DEPTOR: variants seen among roughly 807,000 people sequenced by gnomAD.
The protein encoded by DEPTOR is DEP domain-containing mTOR-interacting protein.
Under a neutral mutation model 41.6 loss-of-function variants are expected in DEPTOR, and 41 were observed. That is an observed-to-expected ratio of 0.98 (90% CI 0.77 to 1.28). The LOEUF (loss-of-function observed/expected upper bound fraction) is 1.28. DEPTOR is among the 50% of genes most tolerant of loss of function. The pLI, the probability that DEPTOR is intolerant of heterozygous loss-of-function variation, is 0.00. For missense variants in DEPTOR, 514 were observed against 527.9 expected (o/e 0.97, Z 0.26); for synonymous variants, 195 against 192.3 (o/e 1.01, Z -0.12).
chr8:119,944,536 C>A (rs1326930026), intron 3 of DEPTOR, among the ~76,000 whole-genome samples: 2 of 151,974 alleles, frequency 1.3e-5, no homozygotes, highest in Admixed American at 1.3e-4. Context: ...TGACTATAAG[C>A]TCTCTGAGGT....
At chr8:119,912,421 G>T in intron 1 of DEPTOR, among the ~76,000 whole-genome samples, 1 of 151,964 alleles carries the variant, frequency 6.6e-6, no homozygotes, top group East Asian at 1.9e-4. Flanking sequence ...TTTAAGCTAT[G>T]CCAGGTATGC....
At chr8:119,876,802 T>C (rs953846186) in intron 1 of DEPTOR, among the ~76,000 whole-genome samples, 1 of 152,168 alleles carries the variant, frequency 6.6e-6, no homozygotes, top group Non-Finnish European at 1.5e-5. Context: ...ACAAGTAAAT[T>C]CACTTCTCTG....
intron 8 of DEPTOR, among the ~76,000 whole-genome samples, chr8:120,035,365 T>C (rs1812964737): frequency 6.6e-6 from 1 of 152,078 alleles, no homozygotes; most frequent in South Asian, 2.1e-4. Flanking sequence ...TGTCTCTTGC[T>C]GTTGGAACCC....
rs554143967 is a variant in DEPTOR at position 119,941,630 on chromosome 8, GA to G, written c.425+11694del. Reference sequence around the variant, plus strand: ...TAAGCCTGGAGATGTTGATAATGATGAAGGCAGCAAACCCAGGGCGAGTAGC... The same window carrying G: ...TAAGCCTGGAGATGTTGATAATGATGAGGCAGCAAACCCAGGGCGAGTAGC... On this transcript the variant is annotated intron_variant, in intron 3 of 8. Coordinates refer to ENST00000286234, the MANE Select transcript of DEPTOR (RefSeq NM_022783.4). Among the ~76,000 whole-genome samples, 429 of 152,206 alleles carry G rather than the reference GA, an allele frequency of 2.8e-3. 6 individuals carry two copies. Among genetic ancestry groups the G allele is most frequent in the African/African-American group, 9.2e-3 (381 of 41,530 alleles).
chr8:119,949,611 A>G lies in DEPTOR; in HGVS notation c.426-15621A>G, dbSNP rs75505491. ...TTTTTATTTGCAGTTCCCTGATGCA[A>G]ATCTTTCTATGTAATTATTGGCTAA... is the stretch of plus-strand genomic sequence containing the variant. On this transcript the variant is annotated intron_variant, in intron 3 of 8. Transcript: ENST00000286234. 3.9e-3 allele frequency among the ~76,000 whole-genome samples: 587 copies of G among 152,254 alleles called. 5 individuals are homozygous for G. Among genetic ancestry groups the G allele is most frequent in the African/African-American group, 0.014 (566 of 41,554 alleles).
chr8:119,968,102 C>T lies in DEPTOR; in HGVS notation c.604+2692C>T, dbSNP rs191981390. Among the ~76,000 whole-genome samples, 49 of 152,260 alleles carry T rather than the reference C, an allele frequency of 3.2e-4. 1 individual carries two copies. The highest frequency in any genetic ancestry group is 3.4e-3 in the Middle Eastern group (1 of 294). On this transcript the variant is annotated intron_variant, in intron 4 of 8. Transcript: ENST00000286234. ...GTGTGATCCCTGACCTTAAGCAGTT[C>T]ATAGTATTGTCAGGACTATGAGATG... is the stretch of plus-strand genomic sequence containing the variant.
intron 3 of DEPTOR, among the ~76,000 whole-genome samples, chr8:119,950,574 C>A (rs1485282213): frequency 6.6e-6 from 1 of 151,848 alleles, no homozygotes; most frequent in Non-Finnish European, 1.5e-5. Context: ...CATCACCACA[C>A]CTTGCTAATC....
chr8:119,917,399 T>G (rs909222235), intron 1 of DEPTOR, among the ~76,000 whole-genome samples: 4 of 152,158 alleles, frequency 2.6e-5, no homozygotes, highest in Non-Finnish European at 5.9e-5. Flanking sequence ...GGGGACTCCA[T>G]TTTGTTCTGT....
chr8:120,007,290 T>TC (rs1244516972), intron 7 of DEPTOR, among the ~76,000 whole-genome samples: 1 of 152,190 alleles, frequency 6.6e-6, no homozygotes, highest in Non-Finnish European at 1.5e-5. Context: ...AATAATCCCT[T>TC]CTGCATTAGG....
chr8:119,957,966 T>C (rs758066513), intron 3 of DEPTOR, among the ~76,000 whole-genome samples: 3 of 152,192 alleles, frequency 2.0e-5, no homozygotes, highest in Non-Finnish European at 4.4e-5. Context: ...GGAACTTCAG[T>C]GTTCATCCAT....
intron 3 of DEPTOR, among the ~76,000 whole-genome samples, chr8:119,952,176 A>C (rs1828361601): frequency 6.6e-6 from 1 of 152,150 alleles, no homozygotes; most frequent in Non-Finnish European, 1.5e-5. Context: ...TAAAAGAAAA[A>C]AAAAGAGAGG....
chr8:119,965,958 C>G (rs1463519958), intron 4 of DEPTOR, among the ~76,000 whole-genome samples: 1 of 152,120 alleles, frequency 6.6e-6, no homozygotes, highest in South Asian at 2.1e-4. Flanking sequence ...TTTTAGTCAG[C>G]CCTTTGTATC....
chr8:119,959,531 C>CT lies in DEPTOR; in HGVS notation c.426-5688dup, dbSNP rs1055976492. 8.6e-3 allele frequency among the ~76,000 whole-genome samples: 1,178 copies of CT among 137,752 alleles called. 5 individuals carry two copies. Among genetic ancestry groups the CT allele is most frequent in the African/African-American group, 0.018 (676 of 37,702 alleles). The allele number at this position is 137,752 out of a possible 152,430, so 90.4% of individuals were successfully genotyped here. Reference sequence around the variant, plus strand: ...TGATTTGGGAAAATATCTAAATAATCTTTTTTTTTTTTTGAAACGGAGTCT... The same window carrying CT: ...TGATTTGGGAAAATATCTAAATAATCTTTTTTTTTTTTTTGAAACGGAGTCT... On this transcript the variant is annotated intron_variant, in intron 3 of 8. Transcript: ENST00000286234.
chr8:119,978,351 G>A (rs1003570691), intron 4 of DEPTOR, among the ~76,000 whole-genome samples: 2 of 152,090 alleles, frequency 1.3e-5, no homozygotes, highest in South Asian at 2.1e-4. Context: ...TCTCAGGCTC[G>A]CTAGAAGAGC....
intron 1 of DEPTOR, among the ~76,000 whole-genome samples, chr8:119,876,073 A>G (rs1170162451): frequency 6.6e-6 from 1 of 152,188 alleles, no homozygotes; most frequent in African/African-American, 2.4e-5. Context: ...TTTATTTTAC[A>G]AATATTAAAT....
rs763993519 is a variant in DEPTOR at position 119,971,398 on chromosome 8, C to T, written c.604+5988C>T. Among the ~76,000 whole-genome samples the T allele has an allele frequency of 1.2e-4, 19 of 152,124 alleles. 1 individual carries two copies. Among genetic ancestry groups the T allele is most frequent in the East Asian group, 1.9e-4 (1 of 5,166 alleles). On this transcript the variant is annotated intron_variant, in intron 4 of 8. Coordinates refer to ENST00000286234, the MANE Select transcript of DEPTOR (RefSeq NM_022783.4). ...CTACCTATCCTACTTCTTAGAGGAA[C>T]GGGAGATGAGGAAGTGTGATTGATT...
intron 1 of DEPTOR, 88 bp downstream of exon 1, chr8:119,874,056 G>T (rs565742720): frequency 1.3e-6 from 2 of 1,574,022 alleles, no homozygotes; most frequent in Non-Finnish European, 1.7e-6. Flanking sequence ...TCCCTGGCTC[G>T]TGGCTTGCGA....
rs1203739630 is a variant in DEPTOR at position 119,878,007 on chromosome 8, C to CCGCA, written c.122+4040_122+4043dup. On this transcript the variant is annotated intron_variant, in intron 1 of 8. Coordinates refer to ENST00000286234, the MANE Select transcript of DEPTOR (RefSeq NM_022783.4). ...AGTGCAATGGCGCGATCTCGGCTCA[C>CCGCA]CGCAACCTCTGCCTCCGGGTTCAAG... Among the ~76,000 whole-genome samples the CCGCA allele has an allele frequency of 2.6e-5, 4 of 152,270 alleles. No individual in the cohort carries two copies. In the East Asian group the frequency reaches 7.7e-4, roughly 29 times the overall value.
chr8:119,980,855 G>C (rs1387119184), intron 4 of DEPTOR, among the ~76,000 whole-genome samples: 2 of 151,988 alleles, frequency 1.3e-5, no homozygotes, highest in Non-Finnish European at 2.9e-5. Context: ...TGTGATCTTT[G>C]TTCCTCTATG....
Sources: allele counts gnomAD v4.1 joint callset (sites outside exome capture counted in the v4.1 genomes callset), GRCh38; gene constraint gnomAD v4.1.1; transcripts MANE v1.5; gene names NCBI Gene and HGNC (gene_info 2026-07-23, HGNC 2026-07-21).